UBXN7: variants seen among roughly 807,000 people sequenced by gnomAD.
The protein encoded by UBXN7 is UBX domain protein 7.
A neutral mutation model predicts 58.0 loss-of-function variants in UBXN7; 9 were observed. The observed-to-expected ratio is 0.16, with a 90% CI of 0.09 to 0.27. UBXN7 has a LOEUF of 0.27. UBXN7 is among the 10% of genes least tolerant of loss of function. The pLI is 1.00. For synonymous variants in UBXN7, 208 were observed against 205.0 expected, an observed-to-expected ratio of 1.01 and a Z score of -0.12; for missense variants, 328 against 599.6, an observed-to-expected ratio of 0.55 and a Z score of 4.73.
At chr3:196,408,958 C>T (rs1248321771) in intron 1 of UBXN7, among the ~76,000 whole-genome samples, 1 of 152,052 alleles carries the variant, frequency 6.6e-6, no homozygotes, top group African/African-American at 2.4e-5. Flanking sequence ...TGAAAAATTC[C>T]CAGTGATTTA....
Position 196,412,504 on chromosome 3 carries a change from G to A in UBXN7, c.74-5111C>T, listed in dbSNP as rs982012858. On this transcript the variant is annotated intron_variant, in intron 1 of 10. Transcript: ENST00000296328. Reference sequence around the variant, plus strand: ...TGATGGGAATATAAAATGGTACAACGAGGGTGGAAAACTATGGAGATTCCT... The same window carrying A: ...TGATGGGAATATAAAATGGTACAACAAGGGTGGAAAACTATGGAGATTCCT... Among the ~76,000 whole-genome samples the A allele has an allele frequency of 9.2e-5, 14 of 152,228 alleles. No homozygotes were observed. In the South Asian group the frequency reaches 2.3e-3, roughly 25 times the overall value.
intron 1 of UBXN7, among the ~76,000 whole-genome samples, chr3:196,417,921 T>TA (rs1046279873): frequency 9.5e-4 from 132 of 138,240 alleles, no homozygotes; most frequent in Admixed American, 9.5e-4. Context: ...ATCCTGTCTC[T>TA]AAAAAAAAAA....
intron 4 of UBXN7, 38 bp downstream of exon 4, chr3:196,393,511 GGAAGA>G: frequency 1.3e-6 from 2 of 1,551,702 alleles, no homozygotes; most frequent in Non-Finnish European, 1.7e-6. Flanking sequence ...CTTTTTAATA[GGAAGA>G]GAAGAGGGAG....
chr3:196,387,258 C>G (rs542540280), intron 5 of UBXN7, among the ~76,000 whole-genome samples: 2 of 152,250 alleles, frequency 1.3e-5, no homozygotes, highest in Admixed American at 1.3e-4. Context: ...AAACTGGATC[C>G]CTTCCTTACA....
chr3:196,410,897 C>T (rs992693874), intron 1 of UBXN7, among the ~76,000 whole-genome samples: 2 of 152,088 alleles, frequency 1.3e-5, no homozygotes, highest in African/African-American at 4.8e-5. Context: ...ATCTGGAAAG[C>T]CCTTTGTGAT....
chr3:196,360,857 C>CT (rs1370089960), intron 10 of UBXN7, among the ~76,000 whole-genome samples: 4 of 151,988 alleles, frequency 2.6e-5, no homozygotes, highest in Non-Finnish European at 4.4e-5. Flanking sequence ...GAAACCATCT[C>CT]TAAAAAAAAG....
At chr3:196,362,769 C>T (rs995616803) in intron 8 of UBXN7, 82 bp from the exon 9 acceptor site, 1 of 1,484,700 alleles carries the variant, frequency 6.7e-7, no homozygotes, top group South Asian at 1.3e-5. Context: ...AATATAATAG[C>T]TTGCCATTCA....
chr3:196,404,262 T>G (rs1056776134), intron 2 of UBXN7, among the ~76,000 whole-genome samples: 12 of 99,498 alleles, frequency 1.2e-4, no homozygotes, highest in African/African-American at 3.8e-4. Context: ...GCCCTAATGG[T>G]TTTTTTTTTT....
At chr3:196,407,737 C>T (rs1730205923) in intron 1 of UBXN7, among the ~76,000 whole-genome samples, 1 of 152,082 alleles carries the variant, frequency 6.6e-6, no homozygotes, top group Admixed American at 6.6e-5. Context: ...TGAAAGACTA[C>T]ATTCTAGAAA....
chr3:196,363,363 T>C (rs766755942), intron 8 of UBXN7, among the ~76,000 whole-genome samples: 1 of 151,594 alleles, frequency 6.6e-6, no homozygotes, highest in African/African-American at 2.4e-5. Context: ...TTTTTTTAAA[T>C]ATCAAAATGA....
At chr3:196,388,477 T>G (rs566398570) in intron 5 of UBXN7, among the ~76,000 whole-genome samples, 300 of 151,726 alleles carry the variant, frequency 2.0e-3, no homozygotes, top group South Asian at 6.1e-3. Flanking sequence ...CTGTTTGTTT[T>G]TTTTTTTTCC....
In UBXN7 at chr3:196,356,784, G is replaced by A. The variant is rs755358694; in HGVS notation, c.1371C>T (p.Asn457=). 1.2e-6 allele frequency: 2 copies of A among 1,613,932 alleles called. No homozygotes were observed. Among genetic ancestry groups the A allele is most frequent in the Non-Finnish European group, 1.7e-6 (2 of 1,179,976 alleles). ...GATGAGATAATTTCCTTCGAGGAAA[G>A]TTGGTGAGAAGTTCAAAACGTTCAT... ...YPNERFELLT[N]FPRRKLSHLD... Residue 457 remains asparagine, a synonymous_variant, in exon 11 of 11, where the codon AAC becomes AAT. Transcript: ENST00000296328.
Position 196,362,276 on chromosome 3 carries a change from T to C in UBXN7, c.1228+18A>G. On this transcript the variant is annotated intron_variant, in intron 9 of 10. Transcript: ENST00000296328. ...CAATATCTAAGTTTGAAGTAAAGTA[T>C]GTCTAAATGTAACTTACCATTTACA... 1 of 1,564,718 alleles carries C rather than the reference T, an allele frequency of 6.4e-7. No homozygotes were observed. Among genetic ancestry groups the C allele is most frequent in the South Asian group, 1.2e-5 (1 of 81,864 alleles).
chr3:196,420,603 G>C (rs1730652264), intron 1 of UBXN7, among the ~76,000 whole-genome samples: 1 of 151,948 alleles, frequency 6.6e-6, no homozygotes, highest in Non-Finnish European at 1.5e-5. Flanking sequence ...GGCAGCAGCA[G>C]GGTGGCTTAA....
Position 196,355,543 on chromosome 3 carries a change from T to C in UBXN7, c.*1142A>G, listed in dbSNP as rs1007077769. ...GTCTTCCCCTTAGAGAGGCTTTCCG[T>C]TTTGATACCTTTTGAAAGAAAACAG... On this transcript the variant is annotated 3_prime_UTR_variant, in exon 11 of 11. Transcript: ENST00000296328. The C allele has an allele frequency of 6.6e-6, 1 of 152,180 alleles. No individual in the cohort carries two copies. The highest frequency in any genetic ancestry group is 1.5e-5 in the Non-Finnish European group (1 of 68,026). 9.4% of individuals were successfully genotyped at this position (152,180 alleles called of 1,614,324 possible).
chr3:196,383,118 AAAAAAAAAAAAG>A (rs1729263073), intron 5 of UBXN7, among the ~76,000 whole-genome samples: 2 of 148,036 alleles, frequency 1.4e-5, no homozygotes, highest in African/African-American at 4.9e-5. Flanking sequence ...TCCATCTCCA[AAAAAAAAAAAAG>A]AAAAAGAAAA....
chr3:196,387,038 T>C (rs545030654), intron 5 of UBXN7, among the ~76,000 whole-genome samples: 23 of 152,020 alleles, frequency 1.5e-4, no homozygotes, highest in Non-Finnish European at 2.9e-4. Context: ...TTTCAAACTA[T>C]ACTACAAGGC....
At chr3:196,362,818 A>G in intron 8 of UBXN7, 131 bp from the exon 9 acceptor site, 1 of 1,190,982 alleles carries the variant, frequency 8.4e-7, no homozygotes, top group African/African-American at 1.5e-5. Flanking sequence ...CTACTTTAAG[A>G]GCAAGGACTG....
intron 2 of UBXN7, among the ~76,000 whole-genome samples, 175 bp from the exon 3 acceptor site, chr3:196,403,194 G>A (rs1250899900): frequency 6.6e-6 from 1 of 152,122 alleles, no homozygotes; most frequent in African/African-American, 2.4e-5. Context: ...GTCTCACTCT[G>A]TCGTCCAGGC....
Sources: gnomAD v4.1 joint callset for allele counts (sites outside exome capture counted in the v4.1 genomes callset) on GRCh38, gnomAD v4.1.1 for gene constraint, MANE v1.5 for transcripts, NCBI Gene and HGNC (gene_info 2026-07-23, HGNC 2026-07-21) for gene names.